SESN1: variants seen among roughly 807,000 people sequenced by gnomAD.
The protein encoded by SESN1 is sestrin 1.
A neutral mutation model predicts 59.3 loss-of-function variants in SESN1; 30 were observed. The observed-to-expected ratio is 0.51, with a 90% CI of 0.38 to 0.69. The LOEUF is 0.69. SESN1 is among the 30% of genes least tolerant of loss of function. The probability of loss-of-function intolerance (pLI) is 0.00; values close to 1 mark genes in which losing one functional copy is unlikely to be tolerated. For synonymous variants in SESN1, 197 were observed against 219.9 expected (o/e 0.90, Z 0.92); for missense variants, 566 against 673.0 (o/e 0.84, Z 1.76).
chr6:108,989,553 CTAGA>C (rs1779312723), intron 8 of SESN1, among the ~76,000 whole-genome samples: 1 of 102,270 alleles, frequency 9.8e-6, no homozygotes, highest in Admixed American at 8.5e-5. Flanking sequence ...ATCTCTAGAT[CTAGA>C]TCTCTAGATC....
chr6:109,009,389 CT>C, intron 1 of SESN1: 7 of 1,466,286 alleles, frequency 4.8e-6, no homozygotes, highest in Non-Finnish European at 6.3e-6. Flanking sequence ...CGCCGCACTG[CT>C]TGCAGCCCAG....
At chr6:109,081,930 C>T (rs932107399) in intron 1 of SESN1, among the ~76,000 whole-genome samples, 53 of 152,262 alleles carry the variant, frequency 3.5e-4, no homozygotes, top group African/African-American at 1.2e-3. Context: ...CTCATTAAAC[C>T]GTCAAGGAAA....
chr6:109,009,712 G>T (rs1391572213), intron 1 of SESN1, among the ~76,000 whole-genome samples: 1 of 152,074 alleles, frequency 6.6e-6, no homozygotes, highest in Non-Finnish European at 1.5e-5. Context: ...CTGACGCGGC[G>T]AGGTGAAAAA....
At position 109,094,169 on chromosome 6, in the gene SESN1, C is replaced by T; in HGVS notation, c.-96G>A. 7.5e-7 allele frequency: 1 copy of T among 1,331,036 alleles called. No homozygotes were observed. Among genetic ancestry groups the T allele is most frequent in the South Asian group, 1.4e-5 (1 of 70,904 alleles). The allele number at this position is 1,331,036 out of a possible 1,614,324, so 82.5% of individuals were successfully genotyped here. On this transcript the variant is annotated 5_prime_UTR_variant, in exon 1 of 10. Transcript: ENST00000436639. ...AAAATGAAAAATGTAAAAATAAAAT[C>T]AGAGAAATCAAATCGTCATGAAAAC... is the stretch of plus-strand genomic sequence containing the variant.
At chr6:109,088,691 C>A in intron 1 of SESN1, among the ~76,000 whole-genome samples, 1 of 152,138 alleles carries the variant, frequency 6.6e-6, no homozygotes, top group Non-Finnish European at 1.5e-5. Context: ...TCTTTTGATA[C>A]ATATGTGCTC....
At chr6:109,003,365 G>T (rs2114315179) in intron 1 of SESN1, among the ~76,000 whole-genome samples, 1 of 150,962 alleles carries the variant, frequency 6.6e-6, no homozygotes, top group Non-Finnish European at 1.5e-5. Flanking sequence ...AAGAAAAAAA[G>T]TGGGGATGGG....
chr6:109,045,230 A>C (rs1461813267), intron 1 of SESN1, among the ~76,000 whole-genome samples: 2 of 151,984 alleles, frequency 1.3e-5, no homozygotes, highest in African/African-American at 4.8e-5. Context: ...GAAACTGTAA[A>C]ATCTATCCCC....
In SESN1 at chr6:109,026,291, A is replaced by G. The variant is rs558100541; in HGVS notation, c.280-23948T>C. 2.6e-5 allele frequency among the ~76,000 whole-genome samples: 4 copies of G among 152,320 alleles called. No homozygotes were observed. The East Asian group carries it at 7.7e-4, about 29-fold the overall frequency. On this transcript the variant is annotated intron_variant, in intron 1 of 9. Transcript: ENST00000436639. ...AAGGAGTGTCAGTTCAGGAAGAAGC[A>G]AAATGATCTCAGAAGGAAGTGTGAA...
intron 1 of SESN1, among the ~76,000 whole-genome samples, chr6:109,007,785 CTTTTTTTT>C (rs3083610): frequency 7.7e-5 from 8 of 103,350 alleles, no homozygotes; most frequent in Non-Finnish European, 1.4e-4. Flanking sequence ...AGTCCAGGTA[CTTTTTTTT>C]TTTTTTTTTT....
intron 1 of SESN1, among the ~76,000 whole-genome samples, chr6:109,057,618 A>G (rs1199356306): frequency 6.6e-6 from 1 of 152,184 alleles, no homozygotes; most frequent in East Asian, 1.9e-4. Context: ...ATCTTCTGGA[A>G]CCCAGTTGTT....
chr6:108,996,084 C>T (rs1484948875), intron 5 of SESN1, among the ~76,000 whole-genome samples: 1 of 152,208 alleles, frequency 6.6e-6, no homozygotes, highest in South Asian at 2.1e-4. Context: ...CCAGACCAAA[C>T]CTTCATAAAG....
chr6:109,026,484 A>G (rs953848491), intron 1 of SESN1, among the ~76,000 whole-genome samples: 4 of 152,130 alleles, frequency 2.6e-5, no homozygotes, highest in African/African-American at 9.7e-5. Flanking sequence ...TGGCTAAATC[A>G]TATAATAGGT....
At position 109,011,494 on chromosome 6, in the gene SESN1, A is replaced by G. The variant is rs74543542; in HGVS notation, c.280-9151T>C. 2.7e-3 allele frequency among the ~76,000 whole-genome samples: 407 copies of G among 152,280 alleles called. 13 individuals are homozygous for G. In the East Asian group the frequency reaches 0.062, roughly 23 times the overall value. On this transcript the variant is annotated intron_variant, in intron 1 of 9. Transcript: ENST00000436639. Reference sequence around the variant, plus strand: ...TATAAAGACTGACCTAAATTCCTCAAAGAGTACTAATTTCTTGTTCTCTGC... The same window carrying G: ...TATAAAGACTGACCTAAATTCCTCAGAGAGTACTAATTTCTTGTTCTCTGC...
intron 1 of SESN1, among the ~76,000 whole-genome samples, chr6:109,044,311 CAAAAAAAAAAAAA>C (rs71015570): frequency 0.015 from 419 of 28,330 alleles, 1 homozygote; most frequent in African/African-American, 0.046. Flanking sequence ...GAACTTGCCT[CAAAAAAAAAAAAA>C]AAAAAAAAAA....
chr6:109,068,830 C>T (rs1203091834), intron 1 of SESN1, among the ~76,000 whole-genome samples: 1 of 151,684 alleles, frequency 6.6e-6, no homozygotes, highest in Non-Finnish European at 1.5e-5. Context: ...AAGCAATTCT[C>T]CTGCCTCTGC....
chr6:108,999,582 A>G (rs999046095), intron 4 of SESN1, among the ~76,000 whole-genome samples: 13 of 152,300 alleles, frequency 8.5e-5, no homozygotes, highest in South Asian at 2.1e-4. Context: ...ATGAGATGCC[A>G]CTTCACACTT....
chr6:109,013,697 G>C (rs919800030), intron 1 of SESN1, among the ~76,000 whole-genome samples: 1 of 152,138 alleles, frequency 6.6e-6, no homozygotes, highest in Non-Finnish European at 1.5e-5. Context: ...ATACAGTAAT[G>C]GTTTTAGCCA....
At chr6:109,069,746 G>C (rs893592852) in intron 1 of SESN1, among the ~76,000 whole-genome samples, 2 of 151,740 alleles carry the variant, frequency 1.3e-5, no homozygotes, top group Non-Finnish European at 2.9e-5. Context: ...TGGTGGGAGG[G>C]GGGGTCTCAC....
intron 1 of SESN1, among the ~76,000 whole-genome samples, chr6:109,012,968 T>C (rs1213508334): frequency 6.6e-6 from 1 of 151,584 alleles, no homozygotes; most frequent in Non-Finnish European, 1.5e-5. Context: ...ACAAAAAAAT[T>C]AGCTGGGCGT....
Sources: gnomAD v4.1 joint callset for allele counts (sites outside exome capture counted in the v4.1 genomes callset) on GRCh38, gnomAD v4.1.1 for gene constraint, MANE v1.5 for transcripts, NCBI Gene and HGNC (gene_info 2026-07-23, HGNC 2026-07-21) for gene names.